Variants in SDCCAG8 observed in about 807,000 individuals in gnomAD.
The protein encoded by SDCCAG8 is SHH signaling and ciliogenesis regulator SDCCAG8.
SDCCAG8 carries 74 observed loss-of-function variants against 101.8 expected under a neutral mutation model. That is an observed-to-expected ratio of 0.73 (90% CI 0.60 to 0.88). The LOEUF is 0.88. SDCCAG8 is among the 40% of genes least tolerant of loss of function. SDCCAG8 has a pLI of 0.00. For missense variants in SDCCAG8, 787 were observed against 822.6 expected (o/e 0.96, Z 0.53); for synonymous variants, 281 against 292.9 (o/e 0.96, Z 0.41).
intron 4 of SDCCAG8, among the ~76,000 whole-genome samples, chr1:243,283,315 T>C (rs2069240875): frequency 6.6e-6 from 1 of 151,826 alleles, no homozygotes. Context: ...GTTTGGTGCC[T>C]GTCATTAATT....
chr1:243,314,988 G>C (rs920125950), intron 8 of SDCCAG8, among the ~76,000 whole-genome samples: 3 of 152,238 alleles, frequency 2.0e-5, no homozygotes, highest in African/African-American at 7.2e-5. Flanking sequence ...GGAATTACAG[G>C]CGTGAGCCAC....
At chr1:243,266,452 G>A (rs2067594667) in intron 1 of SDCCAG8, among the ~76,000 whole-genome samples, 2 of 151,730 alleles carry the variant, frequency 1.3e-5, no homozygotes, top group South Asian at 4.2e-4. Flanking sequence ...CAGCAGCCAG[G>A]ACCACAGGCA....
chr1:243,385,107 G>A (rs1573717805), intron 13 of SDCCAG8, among the ~76,000 whole-genome samples: 1 of 152,114 alleles, frequency 6.6e-6, no homozygotes, highest in South Asian at 2.1e-4. Flanking sequence ...TACATGAGTA[G>A]ATCGGGTGTG....
intron 16 of SDCCAG8, among the ~76,000 whole-genome samples, chr1:243,488,795 T>C (rs1486598276): frequency 6.6e-6 from 1 of 152,170 alleles, no homozygotes; most frequent in Non-Finnish European, 1.5e-5. Context: ...GATAGTGTAC[T>C]GAGATGGCTC....
At chr1:243,281,616 T>TA (rs886597942) in intron 4 of SDCCAG8, among the ~76,000 whole-genome samples, 2 of 150,526 alleles carry the variant, frequency 1.3e-5, no homozygotes, top group African/African-American at 2.4e-5. Flanking sequence ...TTTGTTTCTT[T>TA]AAAAAAAATT....
intron 12 of SDCCAG8, among the ~76,000 whole-genome samples, chr1:243,348,893 G>T (rs1270705883): frequency 6.6e-6 from 1 of 151,992 alleles, no homozygotes; most frequent in Non-Finnish European, 1.5e-5. Context: ...GGGTGAGGCA[G>T]GAGAATTGCT....
intron 4 of SDCCAG8, among the ~76,000 whole-genome samples, chr1:243,284,571 GATA>G (rs2069403354): frequency 6.6e-6 from 1 of 152,154 alleles, no homozygotes; most frequent in Non-Finnish European, 1.5e-5. Flanking sequence ...AGTTAGACGA[GATA>G]GCTAGAGGAA....
intron 13 of SDCCAG8, among the ~76,000 whole-genome samples, chr1:243,391,835 G>A (rs2078719744): frequency 6.6e-6 from 1 of 152,200 alleles, no homozygotes; most frequent in African/African-American, 2.4e-5. Context: ...GCAGGAGGTG[G>A]GGGTGGTAGG....
chr1:243,414,188 GGA>G (rs1002477442), intron 13 of SDCCAG8, among the ~76,000 whole-genome samples: 3 of 152,202 alleles, frequency 2.0e-5, no homozygotes, highest in African/African-American at 7.2e-5. Flanking sequence ...GAGAGAGGAA[GGA>G]GAGGGGAAGA....
chr1:243,423,315 G>C (rs781259266), intron 15 of SDCCAG8, among the ~76,000 whole-genome samples: 17 of 152,094 alleles, frequency 1.1e-4, no homozygotes, highest in South Asian at 2.1e-4. Flanking sequence ...CTACCAGCTA[G>C]AGATAACTAT....
In SDCCAG8 at chr1:243,416,887, A is replaced by G. The variant is rs564832910; in HGVS notation, c.1744+1058A>G. On this transcript the variant is annotated intron_variant, in intron 14 of 17. Coordinates refer to ENST00000366541, the MANE Select transcript of SDCCAG8 (RefSeq NM_006642.5). The surrounding 1 kb of genome is among the most constrained non-coding windows in gnomAD (Gnocchi z 4.3). ...CTTGATTTATTTTGATTTGTATGCT[A>G]TATGCTTTTTGCCAATCATTGGCTA... is the stretch of plus-strand genomic sequence containing the variant. 9.8e-5 allele frequency among the ~76,000 whole-genome samples: 15 copies of G among 152,316 alleles called. 1 individual carries two copies. In the South Asian group the frequency reaches 3.1e-3, roughly 32 times the overall value.
chr1:243,493,261 G>T (rs931558841), intron 17 of SDCCAG8, among the ~76,000 whole-genome samples: 1 of 151,932 alleles, frequency 6.6e-6, no homozygotes, highest in Non-Finnish European at 1.5e-5. Flanking sequence ...GAGGGTGGTG[G>T]GTCTCAGGGG....
chr1:243,415,160 AT>A (rs2080483151), intron 13 of SDCCAG8, among the ~76,000 whole-genome samples: 1 of 152,150 alleles, frequency 6.6e-6, no homozygotes, highest in Non-Finnish European at 1.5e-5. Flanking sequence ...TCATATTCAC[AT>A]TATATGGCCT....
intron 12 of SDCCAG8, among the ~76,000 whole-genome samples, chr1:243,349,285 C>T (rs939034971): frequency 4.6e-5 from 7 of 152,330 alleles, no homozygotes; most frequent in Admixed American, 6.5e-5. Context: ...TAGCCAACTA[C>T]AGCTCATAGG....
intron 16 of SDCCAG8, among the ~76,000 whole-genome samples, chr1:243,480,587 ATGGG>A (rs1243389562): frequency 1.6e-5 from 1 of 63,184 alleles, no homozygotes; most frequent in East Asian, 5.1e-4. Flanking sequence ...GGTGGGATGG[ATGGG>A]TGGATGGGTG....
chr1:243,312,294 A>G (rs2072804927), intron 8 of SDCCAG8, among the ~76,000 whole-genome samples: 1 of 152,244 alleles, frequency 6.6e-6, no homozygotes, highest in South Asian at 2.1e-4. Context: ...TTTAAAAATG[A>G]TACCTTAAAT....
At chr1:243,477,001 C>CAG in intron 16 of SDCCAG8, among the ~76,000 whole-genome samples, 1 of 62,428 alleles carries the variant, frequency 1.6e-5, no homozygotes, top group Admixed American at 2.3e-4. Flanking sequence ...TGGTTCTGTA[C>CAG]ACACACACAC....
intron 17 of SDCCAG8, among the ~76,000 whole-genome samples, chr1:243,494,125 A>G (rs1470647256): frequency 6.6e-6 from 1 of 152,250 alleles, no homozygotes. Flanking sequence ...AATACATTGA[A>G]TAAAATAAAT....
At chr1:243,364,982 G>C (rs1451215123) in intron 12 of SDCCAG8, among the ~76,000 whole-genome samples, 1 of 152,110 alleles carries the variant, frequency 6.6e-6, no homozygotes, top group African/African-American at 2.4e-5. Flanking sequence ...TGTCTGAGGA[G>C]AAACAGACGA....
Sources: gnomAD v4.1 joint callset for allele counts (sites outside exome capture counted in the v4.1 genomes callset) on GRCh38, gnomAD v4.1.1 for gene constraint, Gnocchi (gnomAD v3.1) non-coding constraint, MANE v1.5 for transcripts, NCBI Gene and HGNC (gene_info 2026-07-23, HGNC 2026-07-21) for gene names.